Variants in SV2C observed in about 807,000 individuals in gnomAD.
The protein encoded by SV2C is solute carrier family 22 member B3.
SV2C carries 49 observed loss-of-function variants against 79.7 expected under a neutral mutation model. That is an observed-to-expected ratio of 0.61 (90% CI 0.49 to 0.78). SV2C has a LOEUF of 0.78. Ranked by LOEUF, SV2C falls within the 30% of genes least tolerant of loss-of-function variation. The pLI, the probability that SV2C is intolerant of heterozygous loss-of-function variation, is 0.00. For missense variants in SV2C, 833 were observed against 912.9 expected (o/e 0.91, Z 1.13); for synonymous variants, 334 against 333.2 (o/e 1.00, Z -0.03).
the SV2C span, among the ~76,000 whole-genome samples, chr5:76,063,277 G>C: frequency 6.6e-6 from 1 of 152,112 alleles, no homozygotes. Flanking sequence ...CCACCTTCTA[G>C]AGGGGAAGCT....
chr5:75,965,570 C>G, the SV2C span, among the ~76,000 whole-genome samples: 3 of 152,172 alleles, frequency 2.0e-5, no homozygotes, highest in Admixed American at 2.0e-4. Context: ...TTGTATTTCT[C>G]AGCCTCCAGA....
the SV2C span, among the ~76,000 whole-genome samples, chr5:75,956,891 T>A: frequency 2.0e-5 from 3 of 151,932 alleles, no homozygotes; most frequent in Non-Finnish European, 4.4e-5. Context: ...GTCTCTCAAG[T>A]TAATACATAT....
chr5:76,119,466 C>T (rs987259807), intron 1 of SV2C, among the ~76,000 whole-genome samples: 1 of 152,070 alleles, frequency 6.6e-6, no homozygotes. Flanking sequence ...AGGACATAAA[C>T]ATAGTCAGAA....
At chr5:75,854,773 G>A in the SV2C span, among the ~76,000 whole-genome samples, 1 of 152,198 alleles carries the variant, frequency 6.6e-6, no homozygotes, top group South Asian at 2.1e-4. Flanking sequence ...ATCCTAAGAA[G>A]GCTGTGGTTA....
the SV2C span, among the ~76,000 whole-genome samples, chr5:76,025,270 G>C: frequency 6.6e-6 from 1 of 151,902 alleles, no homozygotes; most frequent in African/African-American, 2.4e-5. Context: ...CATAGGCAGG[G>C]TACCAGAGAC....
At chr5:76,228,755 T>C (rs1034724835) in intron 4 of SV2C, among the ~76,000 whole-genome samples, 1 of 151,854 alleles carries the variant, frequency 6.6e-6, no homozygotes, top group Non-Finnish European at 1.5e-5. Flanking sequence ...GAAGGTATAT[T>C]CTTTAATTTT....
chr5:76,104,793 G>A (rs1233179509), intron 1 of SV2C, among the ~76,000 whole-genome samples: 2 of 152,194 alleles, frequency 1.3e-5, no homozygotes, highest in Non-Finnish European at 2.9e-5. Flanking sequence ...AGCTGGAGGA[G>A]GAAGAAGGGA....
chr5:76,071,344 C>T, the SV2C span, among the ~76,000 whole-genome samples: 1 of 152,160 alleles, frequency 6.6e-6, no homozygotes, highest in Non-Finnish European at 1.5e-5. Context: ...CAGTTCTGAG[C>T]TGCCGATGCA....
At chr5:75,859,803 C>T in the SV2C span, among the ~76,000 whole-genome samples, 18 of 152,280 alleles carry the variant, frequency 1.2e-4, no homozygotes, top group Admixed American at 5.9e-4. Flanking sequence ...TTTAGACACA[C>T]GCCGTTGCTC....
intron 1 of SV2C, among the ~76,000 whole-genome samples, chr5:76,129,787 G>C (rs1748820753): frequency 6.6e-6 from 1 of 152,142 alleles, no homozygotes; most frequent in Non-Finnish European, 1.5e-5. Flanking sequence ...TAGTGCTGTA[G>C]GGTCATTCAG....
the SV2C span, among the ~76,000 whole-genome samples, chr5:75,930,540 G>C: frequency 1.3e-5 from 2 of 152,126 alleles, no homozygotes; most frequent in East Asian, 1.9e-4. Flanking sequence ...GTGATGACTG[G>C]AACATTAGGC....
chr5:75,860,952 T>C, the SV2C span, among the ~76,000 whole-genome samples: 2 of 152,100 alleles, frequency 1.3e-5, no homozygotes, highest in Admixed American at 1.3e-4. Context: ...GGATTAAAGA[T>C]TTAAATGTAA....
the SV2C span, among the ~76,000 whole-genome samples, chr5:75,902,032 T>A: frequency 2.0e-5 from 3 of 152,356 alleles, no homozygotes; most frequent in East Asian, 5.8e-4. Context: ...CCTGACCCCT[T>A]GCACTTCCTG....
Position 76,132,224 on chromosome 5 carries a change from G to C in SV2C, c.474G>C (p.Leu158=). The change falls in exon 2 of 13, where the codon CTG becomes CTC. Residue 158 remains leucine (L), a synonymous_variant. Coordinates refer to ENST00000502798, the MANE Select transcript of SV2C (RefSeq NM_014979.4). ...TTCAGTGGGCCCTTTTCTTCGTCCT[G>C]GGCATGGCTCTTATGGCAGACGGTG... ...GRFQWALFFV[L]GMALMADGVE... The C allele has an allele frequency of 6.2e-7, 1 of 1,614,096 alleles. No homozygotes were observed. Among genetic ancestry groups the C allele is most frequent in the Non-Finnish European group, 8.5e-7 (1 of 1,180,006 alleles).
At chr5:76,206,389 T>G (rs1030614040) in intron 3 of SV2C, among the ~76,000 whole-genome samples, 3 of 152,134 alleles carry the variant, frequency 2.0e-5, no homozygotes, top group African/African-American at 7.2e-5. Flanking sequence ...CCAAGGGAGC[T>G]CTCTCCACAA....
At chr5:76,191,086 G>A (rs1421225274) in intron 2 of SV2C, among the ~76,000 whole-genome samples, 2 of 152,132 alleles carry the variant, frequency 1.3e-5, no homozygotes, top group East Asian at 3.9e-4. Context: ...CAGGAAGCGT[G>A]GCTGGGGAGG....
chr5:75,987,341 G>A, the SV2C span, among the ~76,000 whole-genome samples: 32 of 152,052 alleles, frequency 2.1e-4, no homozygotes, highest in African/African-American at 7.0e-4. Context: ...ATGAGGGTGT[G>A]ACTGAAGGTA....
At chr5:76,073,503 GTATATATATATATATATATATATATA>G in the SV2C span, among the ~76,000 whole-genome samples, 1,479 of 67,492 alleles carry the variant, frequency 0.022, 105 homozygotes, top group South Asian at 0.032. Flanking sequence ...GTATGTGTGT[GTATATATATATATATATATATATATA>G]TATATATATA....
rs148328596 is a variant in SV2C, at chr5:76,162,137, A to G, written c.580+29807A>G. On this transcript the variant is annotated intron_variant, in intron 2 of 12. Transcript: ENST00000502798. ...TGTGAGCCAGTAGGTTAATAAGATT[A>G]TAGCAACACCAAAGGTATATTTTTA... is the stretch of plus-strand genomic sequence containing the variant. Among the ~76,000 whole-genome samples the G allele has an allele frequency of 4.1e-3, 623 of 152,332 alleles. 3 individuals are homozygous for G. Among genetic ancestry groups the G allele is most frequent in the African/African-American group, 0.014 (597 of 41,576 alleles).
Sources: allele counts gnomAD v4.1 joint callset (sites outside exome capture counted in the v4.1 genomes callset), GRCh38; gene constraint gnomAD v4.1.1; transcripts MANE v1.5; gene names NCBI Gene and HGNC (gene_info 2026-07-23, HGNC 2026-07-21).